Variants in GARNL3 observed in about 807,000 individuals in gnomAD.
GARNL3 encodes the protein GTPase-activating Rap/Ran-GAP domain-like protein 3.
A neutral mutation model predicts 125.0 loss-of-function variants in GARNL3; 63 were observed. The observed-to-expected ratio is 0.50, with a 90% CI of 0.41 to 0.62. The LOEUF (loss-of-function observed/expected upper bound fraction) is 0.62, where lower values mean the gene tolerates loss of function less well. Among genes scored for constraint, GARNL3 ranks in the 20% least tolerant of loss-of-function variants. The probability of loss-of-function intolerance (pLI) is 0.00; values close to 1 mark genes in which losing one functional copy is unlikely to be tolerated. For missense variants in GARNL3, 994 were observed against 1,244.0 expected (o/e 0.80, Z 3.02); for synonymous variants, 439 against 457.5 (o/e 0.96, Z 0.52).
chr9:127,328,418 C>T (rs1041469825), intron 7 of GARNL3, among the ~76,000 whole-genome samples: 2 of 152,102 alleles, frequency 1.3e-5, no homozygotes, highest in African/African-American at 2.4e-5. Flanking sequence ...CTATTAGCTG[C>T]AAAGATGGGC....
chr9:127,321,236 C>A (rs546801457), intron 6 of GARNL3, among the ~76,000 whole-genome samples: 7 of 152,020 alleles, frequency 4.6e-5, no homozygotes, highest in Non-Finnish European at 8.8e-5. Context: ...TGGGTTCAAG[C>A]GATTCTCCTG....
rs1830021472 is a variant in GARNL3, at chr9:127,344,304, G to C, written c.1321G>C (p.Glu441Gln). The change falls in exon 15 of 28, where the codon GAG (glutamate) becomes CAG (glutamine). Residue 441 changes from glutamate (E) to glutamine (Q), a missense_variant. This residue lies in a region of GARNL3 where 728 missense variants were observed against 865.7 expected (regional missense o/e 0.84). Transcript: ENST00000373387. ...ACCCAAGTCAGCGCGGAAGAAAGAG[G>C]AGGCCCGCCAGGCGGAGTTTGTTAG... ...ESPKSARKKEEARQAEFVRIG... is the reference protein window; with the variant it reads ...ESPKSARKKEQARQAEFVRIG... 6.2e-7 allele frequency: 1 copy of C among 1,613,966 alleles called. No individual in the cohort carries two copies. The highest frequency in any genetic ancestry group is 8.5e-7 in the Non-Finnish European group (1 of 1,179,914).
At chr9:127,377,761 C>G (rs972842453) in intron 22 of GARNL3, among the ~76,000 whole-genome samples, 3 of 146,102 alleles carry the variant, frequency 2.1e-5, no homozygotes, top group African/African-American at 7.7e-5. Context: ...GCACACCAGT[C>G]CAGCCTGGGC....
In GARNL3 at chr9:127,353,680, GA is replaced by G; in HGVS notation, c.1544-164del. On this transcript the variant is annotated intron_variant, in intron 17 of 27. Coordinates refer to ENST00000373387, the MANE Select transcript of GARNL3 (RefSeq NM_032293.5). The stretch of plus-strand genomic sequence containing the variant: ...AGTACTTCTTCCTGAGCTAGGAGGA[GA>G]ATAGTGCTTGAATGTATTTTGTAGA... 6.1e-6 allele frequency: 4 copies of G among 657,410 alleles called. No individual in the cohort carries two copies. The South Asian group carries it at 6.8e-5, about 11-fold the overall frequency. The allele number at this position is 657,410 out of a possible 1,614,324, so 40.7% of individuals were successfully genotyped here.
At chr9:127,356,156 G>A (rs182795303) in intron 20 of GARNL3, among the ~76,000 whole-genome samples, 30 of 152,348 alleles carry the variant, frequency 2.0e-4, no homozygotes, top group Admixed American at 1.8e-3. Flanking sequence ...CAGAGAAGTG[G>A]CAGGTTTTGA....
chr9:127,265,855 A>G (rs1046140660), intron 1 of GARNL3, among the ~76,000 whole-genome samples: 3 of 152,208 alleles, frequency 2.0e-5, no homozygotes, highest in African/African-American at 7.2e-5. Context: ...GAGTTTAAGT[A>G]GTAGAAAAAT....
chr9:127,333,570 C>A (rs758597710), intron 9 of GARNL3, among the ~76,000 whole-genome samples: 4 of 152,020 alleles, frequency 2.6e-5, no homozygotes, highest in African/African-American at 4.8e-5. Context: ...TTTGCCTAAT[C>A]TGGGGGATTA....
intron 1 of GARNL3, among the ~76,000 whole-genome samples, chr9:127,230,938 A>G (rs1208385349): frequency 6.7e-6 from 1 of 148,736 alleles, no homozygotes; most frequent in Non-Finnish European, 1.5e-5. Flanking sequence ...GTGTGAGGGA[A>G]GCTAATACAG....
intron 2 of GARNL3, chr9:127,300,861 G>T (rs1487248924): frequency 2.2e-5 from 7 of 323,582 alleles, no homozygotes; most frequent in Admixed American, 1.8e-4. Context: ...ACAGTAGCCT[G>T]TTGGTAATGA....
At chr9:127,243,183 C>T (rs746962006) in exon 2 of GARNL3, 7 of 1,366,446 alleles carry the variant, frequency 5.1e-6, no homozygotes. Flanking sequence ...TCGTCTCTCT[C>T]CTTCGGCATC....
chr9:127,236,574 A>G (rs1257476347), intron 1 of GARNL3, among the ~76,000 whole-genome samples: 1 of 152,150 alleles, frequency 6.6e-6, no homozygotes, highest in Non-Finnish European at 1.5e-5. Flanking sequence ...TGATCCTCCC[A>G]CCTCAGCCTC....
intron 4 of GARNL3, among the ~76,000 whole-genome samples, chr9:127,317,550 C>A (rs188631270): frequency 6.6e-6 from 1 of 152,146 alleles, no homozygotes; most frequent in African/African-American, 2.4e-5. Flanking sequence ...CATGGCAAAA[C>A]CCCATCTCTA....
intron 2 of GARNL3, among the ~76,000 whole-genome samples, chr9:127,302,169 C>T (rs530165960): frequency 1.3e-5 from 2 of 151,930 alleles, no homozygotes; most frequent in South Asian, 4.2e-4. Context: ...GTCTCGATCT[C>T]CTGACCTCAT....
Position 127,357,427 on chromosome 9 carries a change from C to T in GARNL3, c.2094+50C>T, listed in dbSNP as rs575009958. 80 of 1,567,410 alleles carry T rather than the reference C, an allele frequency of 5.1e-5. 1 individual carries two copies. The highest frequency in any genetic ancestry group is 3.8e-4 in the South Asian group (34 of 88,504). On this transcript the variant is annotated intron_variant, in intron 21 of 27. Coordinates refer to ENST00000373387, the MANE Select transcript of GARNL3 (RefSeq NM_032293.5). ...GTGAGAATCAGAAAAGAGTAATCAT[C>T]GTTGTGTATTCTAACCCTGACATGC... is the stretch of plus-strand genomic sequence containing the variant.
intron 1 of GARNL3, among the ~76,000 whole-genome samples, chr9:127,228,859 TG>T (rs1343544567): frequency 1.3e-5 from 2 of 152,240 alleles, no homozygotes; most frequent in Non-Finnish European, 2.9e-5. Flanking sequence ...AGTCTTGCTC[TG>T]TCACCCAGGC....
intron 2 of GARNL3, among the ~76,000 whole-genome samples, chr9:127,299,874 T>G (rs925165249): frequency 1.5e-4 from 23 of 152,158 alleles, no homozygotes; most frequent in African/African-American, 4.6e-4. Context: ...CAATTTTTTT[T>G]TGTATTTTTA....
chr9:127,326,319 T>C (rs531064842), intron 7 of GARNL3, among the ~76,000 whole-genome samples: 1 of 152,324 alleles, frequency 6.6e-6, no homozygotes, highest in Non-Finnish European at 1.5e-5. Flanking sequence ...TTCTTTAATT[T>C]TGTGTTCCCA....
At chr9:127,322,233 T>C (rs1188339836) in intron 6 of GARNL3, among the ~76,000 whole-genome samples, 1 of 152,110 alleles carries the variant, frequency 6.6e-6, no homozygotes, top group East Asian at 1.9e-4. Context: ...AATCCTTCTT[T>C]AAGCCTTGGT....
rs1034314037 is a variant in GARNL3, at chr9:127,347,092, C to T, written c.1431+1615C>T. Among the ~76,000 whole-genome samples, 5 of 152,112 alleles carry T rather than the reference C, an allele frequency of 3.3e-5. No individual in the cohort carries two copies. The South Asian group carries it at 6.2e-4, about 19-fold the overall frequency. On this transcript the variant is annotated intron_variant, in intron 16 of 27. Transcript: ENST00000373387. ...CAGACCTCACATGGTCACTGGCACC[C>T]GTGTAAAGCAATGGACACCCTGCGT...
Sources: allele counts gnomAD v4.1 joint callset (sites outside exome capture counted in the v4.1 genomes callset), GRCh38; gene constraint gnomAD v4.1.1; regional missense constraint gnomAD v4.1.1; transcripts MANE v1.5; gene names NCBI Gene and HGNC (gene_info 2026-07-23, HGNC 2026-07-21).